PITPNM3: variants seen among roughly 807,000 people sequenced by gnomAD.
PITPNM3 encodes the protein PITPNM family member 3, also known as membrane-associated phosphatidylinositol transfer protein 3.
In PITPNM3, 26 loss-of-function variants were observed where a neutral mutation model predicts 102.0. That is an observed-to-expected ratio of 0.25 (90% CI 0.19 to 0.35). The LOEUF is 0.35. Among genes scored for constraint, PITPNM3 ranks in the 10% least tolerant of loss-of-function variants. The pLI is 1.00. For synonymous variants in PITPNM3, 578 were observed against 558.6 expected (o/e 1.03, Z -0.49); for missense variants, 1,083 against 1,346.1 (o/e 0.80, Z 3.06).
At position 6,455,392 on chromosome 17, in the gene PITPNM3, C is replaced by T. The variant is rs1172361082; in HGVS notation, c.2871G>A (p.Pro957=). ...CACGCGCCCAGCTGAGCGCCGGCAG[C>T]GGCCGCTCGTGGTCTTTGTCCGACT... ...QPESDKDHER[P]LPALSWARGP... is the part of the protein sequence containing the mutation. The change falls in exon 20 of 20, where the codon CCG becomes CCA. Residue 957 remains proline (P), a synonymous_variant. Coordinates refer to ENST00000262483, the MANE Select transcript of PITPNM3 (RefSeq NM_031220.4). 1.9e-6 allele frequency: 3 copies of T among 1,593,890 alleles called. No homozygotes were observed. Among genetic ancestry groups the T allele is most frequent in the South Asian group, 1.1e-5 (1 of 89,800 alleles).
chr17:6,508,922 G>A (rs912680417), intron 3 of PITPNM3, among the ~76,000 whole-genome samples: 2 of 152,180 alleles, frequency 1.3e-5, no homozygotes, highest in African/African-American at 2.4e-5. Flanking sequence ...CCCAGGACGA[G>A]GGTGATTAAC....
intron 4 of PITPNM3, 134 bp from the exon 5 acceptor site, chr17:6,484,426 A>G: frequency 1.1e-6 from 1 of 871,992 alleles, no homozygotes; most frequent in Non-Finnish European, 1.9e-6. Context: ...GTCTGGAGCT[A>G]GGGAGAGTCA....
At position 6,537,905 on chromosome 17, in the gene PITPNM3, T is replaced by C; in HGVS notation, c.118+82A>G. On this transcript the variant is annotated intron_variant, in intron 2 of 19. Transcript: ENST00000262483. The surrounding 1 kb of genome is among the most constrained non-coding windows in gnomAD (Gnocchi z 4.4). Reference sequence around the variant, plus strand: ...GATACCACGTCTGAGTGGGGAGGGATGCGGACCCCCAAATGGGATCTTCTT... The same window carrying C: ...GATACCACGTCTGAGTGGGGAGGGACGCGGACCCCCAAATGGGATCTTCTT... The C allele has an allele frequency of 3.4e-6, 4 of 1,166,760 alleles. No homozygotes were observed. The highest frequency in any genetic ancestry group is 5.1e-6 in the Non-Finnish European group (4 of 789,346). 72.3% of individuals were successfully genotyped at this position (1,166,760 alleles called of 1,614,324 possible).
chr17:6,548,066 C>A (rs918545202), intron 1 of PITPNM3, among the ~76,000 whole-genome samples: 1 of 152,160 alleles, frequency 6.6e-6, no homozygotes, highest in African/African-American at 2.4e-5. Context: ...ATGAAACGAC[C>A]AGCTTTTTGG....
At chr17:6,525,315 C>T (rs755567536) in intron 3 of PITPNM3, 41 bp downstream of exon 3, 13 of 1,574,594 alleles carry the variant, frequency 8.3e-6, no homozygotes, top group Non-Finnish European at 1.1e-5. Flanking sequence ...CTGCAACACA[C>T]CTATGTGCAC....
Position 6,556,210 on chromosome 17 carries a change from G to A in PITPNM3, c.22+175C>T, listed in dbSNP as rs1405924751. Among the ~76,000 whole-genome samples, 1 of 151,838 alleles carries A rather than the reference G, an allele frequency of 6.6e-6. No homozygotes were observed. Among genetic ancestry groups the A allele is most frequent in the East Asian group, 2.0e-4 (1 of 5,118 alleles). Reference sequence around the variant, plus strand: ...ACCGGGGGCGCAGGAAGGACGGGGGGCGCGCGGAGCCCCCTCTCCACGCGC... The same window carrying A: ...ACCGGGGGCGCAGGAAGGACGGGGGACGCGCGGAGCCCCCTCTCCACGCGC... On this transcript the variant is annotated intron_variant, in intron 1 of 19. Coordinates refer to ENST00000262483, the MANE Select transcript of PITPNM3 (RefSeq NM_031220.4). The surrounding 1 kb of genome is among the most constrained non-coding windows in gnomAD (Gnocchi z 5.2).
Position 6,461,469 on chromosome 17 carries a change from C to T in PITPNM3, c.2394G>A (p.Gln798=). The part of the protein sequence containing the change: ...QKQRVVSWLS[Q]HNFPQGMIFF... The stretch of plus-strand genomic sequence containing the variant: ...AGATCATGCCCTGTGGGAAGTTGTG[C>T]TGGGACAGCCACGACACCACCCGCT... Residue 798 remains glutamine, a synonymous_variant, in exon 18 of 20, where the codon CAG becomes CAA. Coordinates refer to ENST00000262483, the MANE Select transcript of PITPNM3 (RefSeq NM_031220.4). The T allele has an allele frequency of 6.2e-7, 1 of 1,614,210 alleles. No individual in the cohort carries two copies. Among genetic ancestry groups the T allele is most frequent in the Non-Finnish European group, 8.5e-7 (1 of 1,180,026 alleles).
intron 1 of PITPNM3, among the ~76,000 whole-genome samples, chr17:6,555,712 T>C (rs1361110086): frequency 6.6e-6 from 1 of 152,136 alleles, no homozygotes; most frequent in Non-Finnish European, 1.5e-5. Flanking sequence ...TCGGGCTGGA[T>C]GAATGAACGA....
At position 6,464,754 on chromosome 17, in the gene PITPNM3, G is replaced by A. The variant is rs377516206; in HGVS notation, c.1908C>T (p.His636=). ...CAGCAGCAATCACATCATTGGCCCG[G>A]TGATTAGCCGTGACATTCTGGAAGG... ...QVKLRNVTAN[H]RANDVIAAED... The change falls in exon 15 of 20, where the codon CAC becomes CAT. Residue 636 remains histidine (H), a synonymous_variant. Transcript: ENST00000262483. 2.5e-6 allele frequency: 4 copies of A among 1,614,076 alleles called. No individual in the cohort carries two copies. The highest frequency in any genetic ancestry group is 2.5e-6 in the Non-Finnish European group (3 of 1,180,050).
intron 1 of PITPNM3, among the ~76,000 whole-genome samples, chr17:6,555,140 G>A (rs1256399121): frequency 6.6e-6 from 1 of 152,218 alleles, no homozygotes; most frequent in East Asian, 1.9e-4. Flanking sequence ...CCTCCCTCAG[G>A]AGGGGAAAAG....
intron 4 of PITPNM3, among the ~76,000 whole-genome samples, chr17:6,494,189 G>A (rs1218762439): frequency 2.6e-5 from 4 of 152,212 alleles, no homozygotes; most frequent in South Asian, 2.1e-4. Flanking sequence ...CTCTCAAGAT[G>A]TAAGTGGAGG....
chr17:6,494,585 A>C (rs1431435545), intron 4 of PITPNM3, among the ~76,000 whole-genome samples: 3 of 152,222 alleles, frequency 2.0e-5, no homozygotes, highest in Non-Finnish European at 4.4e-5. Flanking sequence ...TAGAACCCTA[A>C]ACTAGAGGAA....
intron 4 of PITPNM3, among the ~76,000 whole-genome samples, chr17:6,487,108 T>C (rs1429878799): frequency 1.3e-5 from 2 of 152,108 alleles, no homozygotes; most frequent in African/African-American, 2.4e-5. Context: ...GGGCAGGCTG[T>C]GAGTCAAGAA....
At chr17:6,546,708 T>A (rs937598467) in intron 1 of PITPNM3, among the ~76,000 whole-genome samples, 1 of 152,226 alleles carries the variant, frequency 6.6e-6, no homozygotes, top group Non-Finnish European at 1.5e-5. Flanking sequence ...ATATGTTCAC[T>A]CTAAAGTCTG....
At position 6,470,207 on chromosome 17, in the gene PITPNM3, G is replaced by A. The variant is rs1904994608; in HGVS notation, c.1773+53C>T. 6.5e-7 allele frequency: 1 copy of A among 1,536,260 alleles called. No homozygotes were observed. Among genetic ancestry groups the A allele is most frequent in the African/African-American group, 1.4e-5 (1 of 73,258 alleles). ...AGCCTCCTCTCCAGCTGGAGAAGGG[G>A]CGGTACCCCCTTGGGGTGGCTGTGG... On this transcript the variant is annotated intron_variant, in intron 13 of 19. Transcript: ENST00000262483. This position sits in a 1 kb window ranked among gnomAD's most constrained non-coding sequence, Gnocchi z 4.8.
At chr17:6,514,777 T>A (rs571664742) in intron 3 of PITPNM3, among the ~76,000 whole-genome samples, 26 of 152,190 alleles carry the variant, frequency 1.7e-4, no homozygotes, top group Non-Finnish European at 2.6e-4. Flanking sequence ...ATTGAAAACA[T>A]ATCCACACAA....
Position 6,478,538 on chromosome 17 carries a change from C to T in PITPNM3, c.777+9G>A, listed in dbSNP as rs1157678443. The T allele has an allele frequency of 1.2e-6, 2 of 1,613,034 alleles. No homozygotes were observed. Among genetic ancestry groups the T allele is most frequent in the African/African-American group, 2.7e-5 (2 of 74,852 alleles). The stretch of plus-strand genomic sequence containing the variant: ...GGAGGGGAGAGGAGGAGAGGGCAGG[C>T]TGTCCTACCTGCCCACTGAAGCCAA... On this transcript the variant is annotated intron_variant, in intron 7 of 19. Transcript: ENST00000262483. This position sits in a 1 kb window ranked among gnomAD's most constrained non-coding sequence, Gnocchi z 4.4.
chr17:6,456,927 A>G (rs927902751), intron 19 of PITPNM3, among the ~76,000 whole-genome samples: 2 of 151,998 alleles, frequency 1.3e-5, no homozygotes, highest in South Asian at 2.1e-4. Flanking sequence ...TTTCTCTTCA[A>G]TGTCCTCTCG....
intron 1 of PITPNM3, among the ~76,000 whole-genome samples, chr17:6,551,131 G>T (rs912949400): frequency 6.6e-6 from 1 of 151,962 alleles, no homozygotes; most frequent in Non-Finnish European, 1.5e-5. Context: ...GCCAAGGCAG[G>T]CGGATCACGA....
Sources: allele counts gnomAD v4.1 joint callset (sites outside exome capture counted in the v4.1 genomes callset), GRCh38; gene constraint gnomAD v4.1.1; non-coding constraint Gnocchi (gnomAD v3.1); transcripts MANE v1.5; gene names NCBI Gene and HGNC (gene_info 2026-07-23, HGNC 2026-07-21).